Variants in DENND1A observed in about 807,000 individuals in gnomAD.
The protein encoded by DENND1A is DENN domain containing 1A.
In DENND1A, 51 loss-of-function variants were observed where a neutral mutation model predicts 113.7. The observed-to-expected ratio is 0.45, with a 90% CI of 0.36 to 0.57. DENND1A has a LOEUF of 0.57. Among genes scored for constraint, DENND1A ranks in the 20% least tolerant of loss-of-function variants. The pLI, the probability that DENND1A is intolerant of heterozygous loss-of-function variation, is 0.00. For synonymous variants in DENND1A, 565 were observed against 570.8 expected, an observed-to-expected ratio of 0.99 and a Z score of 0.14; for missense variants, 1,258 against 1,395.9, an observed-to-expected ratio of 0.90 and a Z score of 1.57.
intron 19 of DENND1A, chr9:123,413,661 C>T: frequency 1.0e-6 from 1 of 985,494 alleles, no homozygotes; most frequent in Non-Finnish European, 1.2e-6. Context: ...GACACCGTGG[C>T]TTCCCAGATC....
At chr9:123,921,413 T>C (rs1182655402) in intron 1 of DENND1A, among the ~76,000 whole-genome samples, 1 of 152,204 alleles carries the variant, frequency 6.6e-6, no homozygotes, top group Non-Finnish European at 1.5e-5. Context: ...TACCCCTGGC[T>C]CCTCTCACAC....
At chr9:123,712,371 G>C (rs2066690727) in intron 5 of DENND1A, among the ~76,000 whole-genome samples, 1 of 152,106 alleles carries the variant, frequency 6.6e-6, no homozygotes, top group East Asian at 1.9e-4. Flanking sequence ...TGGAAGTCTG[G>C]GCTCTGGAAC....
intron 9 of DENND1A, among the ~76,000 whole-genome samples, chr9:123,638,192 A>G (rs1011025759): frequency 6.6e-6 from 1 of 152,174 alleles, no homozygotes; most frequent in African/African-American, 2.4e-5. Flanking sequence ...AAAGCAACTA[A>G]AACTGCCAGA....
intron 21 of DENND1A, among the ~76,000 whole-genome samples, chr9:123,394,027 T>A (rs900513708): frequency 2.0e-5 from 3 of 151,334 alleles, no homozygotes; most frequent in Non-Finnish European, 2.9e-5. Context: ...AGTCTCACTC[T>A]GTTGCCCAGG....
intron 2 of DENND1A, among the ~76,000 whole-genome samples, chr9:123,836,764 T>C (rs1841107732): frequency 6.6e-6 from 1 of 152,162 alleles, no homozygotes; most frequent in South Asian, 2.1e-4. Flanking sequence ...AATGTTATCT[T>C]ACAAATAAAA....
intron 13 of DENND1A, among the ~76,000 whole-genome samples, chr9:123,514,877 C>A (rs2053769556): frequency 6.6e-6 from 1 of 152,134 alleles, no homozygotes; most frequent in Non-Finnish European, 1.5e-5. Context: ...AGTATCACTC[C>A]CTACTAAAAG....
intron 13 of DENND1A, among the ~76,000 whole-genome samples, chr9:123,540,140 T>C (rs1381341407): frequency 1.3e-5 from 2 of 152,304 alleles, no homozygotes; most frequent in East Asian, 3.9e-4. Context: ...GGACAAAATG[T>C]AAACTCAGCT....
At chr9:123,762,823 G>A (rs1040683299) in intron 4 of DENND1A, among the ~76,000 whole-genome samples, 4 of 152,196 alleles carry the variant, frequency 2.6e-5, no homozygotes, top group Non-Finnish European at 4.4e-5. Context: ...TCTCAGGGAT[G>A]GCAACAATAT....
intron 17 of DENND1A, 78 bp from the exon 18 acceptor site, chr9:123,450,827 A>G: frequency 8.4e-7 from 1 of 1,191,694 alleles, no homozygotes. Flanking sequence ...GTCCATCGAG[A>G]ATCACCTTCT....
At chr9:123,761,513 T>G (rs1330986077) in intron 4 of DENND1A, among the ~76,000 whole-genome samples, 1 of 152,234 alleles carries the variant, frequency 6.6e-6, no homozygotes. Context: ...CTCTCTTGCC[T>G]GTTGCATATT....
At chr9:123,883,164 A>T (rs1441415058) in intron 1 of DENND1A, among the ~76,000 whole-genome samples, 1 of 151,642 alleles carries the variant, frequency 6.6e-6, no homozygotes, top group Non-Finnish European at 1.5e-5. Flanking sequence ...CCCAACACAC[A>T]CTCTATCACC....
intron 13 of DENND1A, among the ~76,000 whole-genome samples, chr9:123,529,307 G>A (rs1438278923): frequency 1.3e-5 from 2 of 152,298 alleles, no homozygotes; most frequent in South Asian, 2.1e-4. Flanking sequence ...AACAATCTGT[G>A]TGAGCTTAGA....
At chr9:123,549,936 C>T (rs1046765789) in intron 13 of DENND1A, among the ~76,000 whole-genome samples, 8 of 152,194 alleles carry the variant, frequency 5.3e-5, no homozygotes, top group South Asian at 4.1e-4. Context: ...AAAACAAATC[C>T]GAAAACAGTT....
chr9:123,476,360 T>C (rs1409599985), intron 13 of DENND1A, among the ~76,000 whole-genome samples: 2 of 152,144 alleles, frequency 1.3e-5, no homozygotes, highest in Non-Finnish European at 2.9e-5. Context: ...TGACTGATCT[T>C]GGGCAAGTGT....
chr9:123,612,138 A>G (rs781577247), intron 10 of DENND1A, among the ~76,000 whole-genome samples: 1 of 152,202 alleles, frequency 6.6e-6, no homozygotes, highest in South Asian at 2.1e-4. Context: ...CATTGTCATC[A>G]TTTACGTATC....
chr9:123,638,682 G>A (rs1554931354), intron 9 of DENND1A, among the ~76,000 whole-genome samples: 1 of 151,844 alleles, frequency 6.6e-6, no homozygotes, highest in Non-Finnish European at 1.5e-5. Context: ...GGCTGGTCTC[G>A]ATCTCCTGAC....
intron 13 of DENND1A, among the ~76,000 whole-genome samples, chr9:123,511,384 A>C (rs1040099659): frequency 6.6e-6 from 1 of 152,234 alleles, no homozygotes; most frequent in Non-Finnish European, 1.5e-5. Flanking sequence ...GTCAGTGCTC[A>C]GGAAGCACCT....
intron 5 of DENND1A, among the ~76,000 whole-genome samples, chr9:123,709,652 C>T (rs2066457175): frequency 6.6e-6 from 1 of 152,186 alleles, no homozygotes; most frequent in Non-Finnish European, 1.5e-5. Context: ...CACCTATACA[C>T]CCTAACGTCT....
intron 12 of DENND1A, among the ~76,000 whole-genome samples, chr9:123,566,196 T>C (rs949432905): frequency 6.6e-6 from 1 of 152,256 alleles, no homozygotes; most frequent in African/African-American, 2.4e-5. Context: ...ATGTCCATGA[T>C]ACTGGTTTAT....
Sources: allele counts gnomAD v4.1 joint callset (sites outside exome capture counted in the v4.1 genomes callset), GRCh38; gene constraint gnomAD v4.1.1; transcripts MANE v1.5; gene names NCBI Gene and HGNC (gene_info 2026-07-23, HGNC 2026-07-21).